Variants in KIFC3 observed in about 807,000 individuals in gnomAD.
The protein encoded by KIFC3 is kinesin-like protein KIFC3.
In KIFC3, 60 loss-of-function variants were observed where a neutral mutation model predicts 101.8. The ratio of observed to expected loss-of-function variants is 0.59; its 90% CI spans 0.48 to 0.73. KIFC3 has a LOEUF of 0.73. Ranked by LOEUF, KIFC3 falls within the 30% of genes least tolerant of loss-of-function variation. KIFC3 has a pLI of 0.00. For missense variants in KIFC3, 966 were observed against 1,137.1 expected (o/e 0.85, Z 2.16); for synonymous variants, 476 against 482.7 (o/e 0.99, Z 0.18).
chr16:57,797,727 G>T (rs141049898), intron 2 of KIFC3: 35 of 1,197,060 alleles, frequency 2.9e-5, no homozygotes, highest in Admixed American at 4.4e-5. Flanking sequence ...CCTGGGCAGA[G>T]ACCGGAGCTA....
intron 2 of KIFC3, among the ~76,000 whole-genome samples, chr16:57,796,134 C>T (rs1555622849): frequency 6.6e-6 from 1 of 152,166 alleles, no homozygotes; most frequent in Non-Finnish European, 1.5e-5. Flanking sequence ...CTCAAGTGAT[C>T]TGCCCGCCTT....
At position 57,858,269 on chromosome 16, in the gene KIFC3, T is replaced by C. The variant is rs140705700; in HGVS notation, c.108+4460A>G. Among the ~76,000 whole-genome samples, 581 of 152,284 alleles carry C rather than the reference T, an allele frequency of 3.8e-3. 4 individuals are homozygous for C. Among genetic ancestry groups the C allele is most frequent in the African/African-American group, 0.013 (552 of 41,556 alleles). ...AGCTTCTTTTAGTCTCAGAGCCTCA[T>C]TGCAATCCAAATGTCCATTATATGT... is the stretch of plus-strand genomic sequence containing the variant. On this transcript the variant is annotated intron_variant, in intron 1 of 2. Coordinates refer to the KIFC3 transcript ENST00000563028.
chr16:57,781,534 C>T (rs1555614709), intron 3 of KIFC3, among the ~76,000 whole-genome samples: 1 of 152,226 alleles, frequency 6.6e-6, no homozygotes, highest in Admixed American at 6.5e-5. Context: ...CCTCTGTGGC[C>T]TGGGTCAGCT....
intron 3 of KIFC3, among the ~76,000 whole-genome samples, chr16:57,780,864 G>A (rs1287794976): frequency 2.0e-5 from 3 of 151,512 alleles, no homozygotes; most frequent in Admixed American, 6.6e-5. Flanking sequence ...TAGTAGAGAC[G>A]GGGTTTCACC....
chr16:57,853,486 A>G (rs1464466838), intron 1 of KIFC3, among the ~76,000 whole-genome samples: 1 of 152,160 alleles, frequency 6.6e-6, no homozygotes, highest in Admixed American at 6.5e-5. Context: ...AGAAAGGGCA[A>G]ACAGAAACAA....
intron 18 of KIFC3, 73 bp downstream of exon 18, chr16:57,759,655 C>T: frequency 8.8e-7 from 1 of 1,135,118 alleles, no homozygotes; most frequent in Non-Finnish European, 1.3e-6. Context: ...AGAGAAAGCC[C>T]ATCCAGGTAA....
At chr16:57,764,771 C>T (rs879987980) in intron 11 of KIFC3, among the ~76,000 whole-genome samples, 2 of 147,736 alleles carry the variant, frequency 1.4e-5, no homozygotes, top group Non-Finnish European at 3.0e-5. Flanking sequence ...AGGGTATTCC[C>T]GGATGGGGAA....
chr16:57,777,231 A>G (rs13380735), intron 3 of KIFC3: 11,215 of 152,334 alleles, frequency 0.074, 474 homozygotes, highest in South Asian at 0.093. Context: ...TTCCATGTTC[A>G]TGGATTAGAA....
intron 1 of KIFC3, among the ~76,000 whole-genome samples, chr16:57,815,928 C>T (rs1598198116): frequency 6.6e-6 from 1 of 152,184 alleles, no homozygotes; most frequent in South Asian, 2.1e-4. Context: ...CCCCGGGGTC[C>T]ATTTGAGGAT....
intron 1 of KIFC3, among the ~76,000 whole-genome samples, chr16:57,838,998 T>G (rs1322329523): frequency 1.3e-5 from 2 of 152,156 alleles, no homozygotes; most frequent in African/African-American, 4.8e-5. Flanking sequence ...ACACAGGGCC[T>G]CTTACTAAAA....
At chr16:57,788,040 G>A (rs573982320) in intron 3 of KIFC3, among the ~76,000 whole-genome samples, 1 of 152,374 alleles carries the variant, frequency 6.6e-6, no homozygotes, top group Non-Finnish European at 1.5e-5. Flanking sequence ...TACAAGGGGG[G>A]CCTGTAGAAT....
intron 1 of KIFC3, among the ~76,000 whole-genome samples, chr16:57,841,219 T>C (rs1277079360): frequency 2.0e-5 from 3 of 152,196 alleles, no homozygotes; most frequent in African/African-American, 2.4e-5. Context: ...GGCTGAATTT[T>C]TTCCAGCTCT....
upstream of KIFC3, among the ~76,000 whole-genome samples, chr16:57,806,626 G>A (rs782202695): frequency 1.3e-5 from 2 of 152,176 alleles, no homozygotes; most frequent in Admixed American, 6.5e-5. Flanking sequence ...GAACAGGTGC[G>A]TGAAATGTAC....
At position 57,769,509 on chromosome 16, in the gene KIFC3, C is replaced by A; in HGVS notation, c.1218+86G>T. On this transcript the variant is annotated intron_variant, in intron 9 of 19. Coordinates refer to ENST00000445690, the MANE Select transcript of KIFC3 (RefSeq NM_001130100.2). The surrounding 1 kb of genome is among the most constrained non-coding windows in gnomAD (Gnocchi z 4.3). ...TGCTGTCTGAGCGGCTTTGTCTGAG[C>A]TTTGGAGGGACGCCCTGAGTGGATG... 6.6e-7 allele frequency: 1 copy of A among 1,516,564 alleles called. No individual in the cohort carries two copies. The highest frequency in any genetic ancestry group is 8.9e-7 in the Non-Finnish European group (1 of 1,128,468). The allele number at this position is 1,516,564 out of a possible 1,614,324, so 93.9% of individuals were successfully genotyped here.
chr16:57,801,201 C>T (rs1568063404), intron 1 of KIFC3, among the ~76,000 whole-genome samples: 1 of 152,180 alleles, frequency 6.6e-6, no homozygotes, highest in Non-Finnish European at 1.5e-5. Flanking sequence ...AGCTGCAATA[C>T]TCCCCCTGCC....
At chr16:57,843,528 A>G (rs1217582456) in intron 1 of KIFC3, among the ~76,000 whole-genome samples, 1 of 152,080 alleles carries the variant, frequency 6.6e-6, no homozygotes, top group Non-Finnish European at 1.5e-5. Flanking sequence ...GACACTCATC[A>G]TTAGAAAAAT....
intron 3 of KIFC3, chr16:57,773,677 G>C (rs1004088777): frequency 3.9e-5 from 6 of 152,242 alleles, no homozygotes; most frequent in Non-Finnish European, 8.8e-5. Context: ...TAGAGGCTTA[G>C]AGTCCGCCCC....
intron 15 of KIFC3, 37 bp from the exon 16 acceptor site, chr16:57,760,992 GC>G: frequency 1.6e-5 from 26 of 1,603,286 alleles, no homozygotes; most frequent in Non-Finnish European, 2.2e-5. Context: ...GGCCTGCCCT[GC>G]CCCTTGGGGT....
intron 1 of KIFC3, among the ~76,000 whole-genome samples, chr16:57,838,025 G>A (rs1478227577): frequency 6.6e-6 from 1 of 152,150 alleles, no homozygotes; most frequent in East Asian, 1.9e-4. Flanking sequence ...CAAGTAGCCG[G>A]GGTTAGGGGA....
Sources: allele counts gnomAD v4.1 joint callset (sites outside exome capture counted in the v4.1 genomes callset), GRCh38; gene constraint gnomAD v4.1.1; non-coding constraint Gnocchi (gnomAD v3.1); transcripts MANE v1.5; gene names NCBI Gene and HGNC (gene_info 2026-07-23, HGNC 2026-07-21).